ARAP2: variants seen among roughly 807,000 people sequenced by gnomAD.
The protein encoded by ARAP2 is arf-GAP with Rho-GAP domain, ANK repeat and PH domain-containing protein 2.
A neutral mutation model predicts 194.5 loss-of-function variants in ARAP2; 148 were observed. The observed-to-expected ratio is 0.76, with a 90% CI of 0.67 to 0.87. The LOEUF is 0.87. Ranked by LOEUF, ARAP2 falls within the 40% of genes least tolerant of loss-of-function variation. ARAP2 has a pLI of 0.00. For synonymous variants in ARAP2, 695 were observed against 683.5 expected (o/e 1.02, Z -0.26); for missense variants, 2,128 against 1,989.7 (o/e 1.07, Z -1.32).
At chr4:36,083,319 T>C (rs770929373) in intron 29 of ARAP2, 49 bp downstream of exon 29, 2 of 1,330,902 alleles carry the variant, frequency 1.5e-6, no homozygotes, top group Non-Finnish European at 2.1e-6. Flanking sequence ...TAAATAGACA[T>C]ATTTTTCCCA....
Position 36,229,421 on chromosome 4 carries a change from C to T in ARAP2, c.66G>A (p.Gln22=). 1.9e-6 allele frequency: 3 copies of T among 1,613,884 alleles called. No homozygotes were observed. The highest frequency in any genetic ancestry group is 8.5e-7 in the Non-Finnish European group (1 of 1,179,868). Residue 22 remains glutamine (Q), a synonymous_variant, in exon 2 of 33, where the codon CAG becomes CAA. Transcript: ENST00000303965. ...CAGACTCATGGAAATGTAAGAGATA[C>T]TGCTCCAAATTAATGCTCATTAGGA... The part of the protein sequence containing the change: ...KDFLMSINLE[Q]YLLHFHESGF...
At position 36,067,848 on chromosome 4, in the gene ARAP2, C is replaced by T; in HGVS notation, c.*59G>A. ...ATCTTATAGTTCAGTTTTGGAGTTA[C>T]ACATAAAGATTGCATACAATATTAA... On this transcript the variant is annotated 3_prime_UTR_variant, in exon 33 of 33. Coordinates refer to ENST00000303965, the MANE Select transcript of ARAP2 (RefSeq NM_015230.4). 1 of 1,495,686 alleles carries T rather than the reference C, an allele frequency of 6.7e-7. No homozygotes were observed. Among genetic ancestry groups the T allele is most frequent in the Non-Finnish European group, 8.9e-7 (1 of 1,119,564 alleles). 92.7% of individuals were successfully genotyped at this position (1,495,686 alleles called of 1,614,324 possible).
chr4:36,073,649 T>C, intron 32 of ARAP2, 40 bp downstream of exon 32: 4 of 1,594,272 alleles, frequency 2.5e-6, no homozygotes, highest in Non-Finnish European at 3.4e-6. Context: ...GGAAAATATA[T>C]TCTATAATTG....
chr4:36,084,832 T>C (rs1730441908), intron 28 of ARAP2, among the ~76,000 whole-genome samples: 1 of 152,080 alleles, frequency 6.6e-6, no homozygotes, highest in Admixed American at 6.6e-5. Context: ...TATCAGTAAG[T>C]TCACTATTAT....
chr4:36,099,035 G>T (rs1262190799), intron 27 of ARAP2, among the ~76,000 whole-genome samples: 1 of 151,766 alleles, frequency 6.6e-6, no homozygotes, highest in Non-Finnish European at 1.5e-5. Context: ...TTCCTGATGT[G>T]TTCCCTCCCC....
chr4:36,082,254 T>G lies in ARAP2; in HGVS notation c.4541A>C (p.His1514Pro). 1 of 1,611,100 alleles carries G rather than the reference T, an allele frequency of 6.2e-7. No homozygotes were observed. Among genetic ancestry groups the G allele is most frequent in the Non-Finnish European group, 8.5e-7 (1 of 1,178,764 alleles). Residue 1514 changes from histidine to proline, a missense_variant, in exon 30 of 33, where the codon CAC (histidine) becomes CCC (proline). By Grantham distance (77) the His-to-Pro change is moderately conservative. Transcript: ENST00000303965. Reference sequence around the variant, plus strand: ...AAGTTGTCAGCTGTTAACTTACCAGTGATGTTTCTCAGAATATGCGGTCAA... The same window carrying G: ...AAGTTGTCAGCTGTTAACTTACCAGGGATGTTTCTCAGAATATGCGGTCAA... ...WGLTAYSEKH[H>P]WHLCCDSSRT...
intron 3 of ARAP2, 64 bp downstream of exon 3, chr4:36,214,358 T>C: frequency 1.4e-6 from 2 of 1,390,764 alleles, no homozygotes; most frequent in African/African-American, 1.5e-5. Context: ...CAATCATGAT[T>C]TTAACACAGT....
At chr4:36,104,114 T>G (rs535368059) in intron 27 of ARAP2, among the ~76,000 whole-genome samples, 19 of 152,048 alleles carry the variant, frequency 1.2e-4, no homozygotes, top group African/African-American at 4.3e-4. Flanking sequence ...AGGGATGTTA[T>G]AGGGCAACTC....
intron 6 of ARAP2, among the ~76,000 whole-genome samples, chr4:36,207,609 C>T (rs1745842047): frequency 6.6e-6 from 1 of 152,102 alleles, no homozygotes; most frequent in African/African-American, 2.4e-5. Flanking sequence ...GCGAAATAAG[C>T]TCAGATTGTG....
chr4:36,055,278 C>T (rs1723300900), intron 2 of ARAP2, among the ~76,000 whole-genome samples: 1 of 152,108 alleles, frequency 6.6e-6, no homozygotes, highest in South Asian at 2.1e-4. Flanking sequence ...TGGATAAGAT[C>T]TGCTTTATTT....
intron 19 of ARAP2, among the ~76,000 whole-genome samples, chr4:36,137,024 A>G (rs1430599496): frequency 6.6e-6 from 1 of 151,858 alleles, no homozygotes; most frequent in Non-Finnish European, 1.5e-5. Flanking sequence ...TAAAATGTTT[A>G]ATGTTCATCA....
chr4:36,228,673 TACG>T lies in ARAP2; in HGVS notation c.811_813del (p.Arg271del). 6.2e-7 allele frequency: 1 copy of T among 1,614,100 alleles called. No individual in the cohort carries two copies. Among genetic ancestry groups the T allele is most frequent in the Non-Finnish European group, 8.5e-7 (1 of 1,179,966 alleles). Reference sequence around the variant, plus strand: ...CGAGATGGTCTTGAAACCAACTTGCTACGACTTCTCACAGGTGCTAGGATTGGT... The same window carrying T: ...CGAGATGGTCTTGAAACCAACTTGCTACTTCTCACAGGTGCTAGGATTGGT... On this transcript the variant is annotated inframe_deletion, in exon 2 of 33. Coordinates refer to ENST00000303965, the MANE Select transcript of ARAP2 (RefSeq NM_015230.4).
At chr4:36,189,815 A>AGTCT (rs1440908869) in intron 7 of ARAP2, among the ~76,000 whole-genome samples, 1 of 152,200 alleles carries the variant, frequency 6.6e-6, no homozygotes, top group African/African-American at 2.4e-5. Context: ...TAGTCTATGT[A>AGTCT]ACTGTCTTGT....
At chr4:36,222,427 A>G (rs980811451) in intron 2 of ARAP2, among the ~76,000 whole-genome samples, 1 of 152,076 alleles carries the variant, frequency 6.6e-6, no homozygotes, top group Admixed American at 6.6e-5. Context: ...TTAGGATAAT[A>G]AATTGTTTTT....
rs1725883716 is a variant in ARAP2, at chr4:36,068,010, G to C, written c.5012C>G (p.Ser1671Cys). The change falls in exon 33 of 33, where the codon TCT becomes TGT. Residue 1671 changes from serine (S) to cysteine (C), a missense_variant. By Grantham distance (112) the Ser-to-Cys change is moderately radical. Transcript: ENST00000303965. Reference protein sequence around the residue: ...EDRNSKATLDSDHKLPSRVIE... With the variant: ...EDRNSKATLDCDHKLPSRVIE... Reference sequence around the variant, plus strand: ...TACCCTTGATGGTAACTTATGATCAGAGTCCAAAGTAGCTTTGCTATTCCT... The same window carrying C: ...TACCCTTGATGGTAACTTATGATCACAGTCCAAAGTAGCTTTGCTATTCCT... The C allele has an allele frequency of 6.2e-7, 1 of 1,614,040 alleles. No homozygotes were observed. Among genetic ancestry groups the C allele is most frequent in the African/African-American group, 1.3e-5 (1 of 74,924 alleles).
chr4:36,106,185 G>C (rs1718371946), intron 27 of ARAP2, among the ~76,000 whole-genome samples: 1 of 151,924 alleles, frequency 6.6e-6, no homozygotes, highest in Non-Finnish European at 1.5e-5. Context: ...ATTCCTAGCT[G>C]AAAGCCACTA....
At chr4:36,028,696 T>C (rs111972054) in intron 5 of ARAP2, among the ~76,000 whole-genome samples, 2,007 of 152,120 alleles carry the variant, frequency 0.013, 45 homozygotes, top group African/African-American at 0.045. Context: ...TTACACTTTT[T>C]TCTTAAAACC....
Position 36,167,063 on chromosome 4 carries a change from A to G in ARAP2, c.1858-16T>C, listed in dbSNP as rs751632169. 2.2e-6 allele frequency: 3 copies of G among 1,356,560 alleles called. No individual in the cohort carries two copies. The South Asian group carries it at 3.9e-5, about 18-fold the overall frequency. The allele number at this position is 1,356,560 out of a possible 1,614,324, so 84.0% of individuals were successfully genotyped here. On this transcript the variant is annotated splice_polypyrimidine_tract_variant and intron_variant, in intron 9 of 32. Coordinates refer to ENST00000303965, the MANE Select transcript of ARAP2 (RefSeq NM_015230.4). Reference sequence around the variant, plus strand: ...TCTTAAAATCCTAGTTTGGAGAAAAACATAAAAAACTATAAAGAAACAAAA... The same window carrying G: ...TCTTAAAATCCTAGTTTGGAGAAAAGCATAAAAAACTATAAAGAAACAAAA...
At chr4:36,213,759 T>C (rs1385414988) in intron 3 of ARAP2, among the ~76,000 whole-genome samples, 1 of 152,142 alleles carries the variant, frequency 6.6e-6, no homozygotes, top group Non-Finnish European at 1.5e-5. Flanking sequence ...ACATAATAGC[T>C]AGATATCACT....
Sources: allele counts gnomAD v4.1 joint callset (sites outside exome capture counted in the v4.1 genomes callset), GRCh38; gene constraint gnomAD v4.1.1; transcripts MANE v1.5; gene names NCBI Gene and HGNC (gene_info 2026-07-23, HGNC 2026-07-21).